The following GNAI1 variants were observed in gnomAD, a reference collection of about 807,000 sequenced individuals.
GNAI1 encodes the protein G protein subunit alpha i1.
Under a neutral mutation model 38.9 loss-of-function variants are expected in GNAI1, and 11 were observed. The observed-to-expected ratio is 0.28, with a 90% CI of 0.18 to 0.47. The LOEUF (loss-of-function observed/expected upper bound fraction) is 0.47, where lower values mean the gene tolerates loss of function less well. Among genes scored for constraint, GNAI1 ranks in the 20% least tolerant of loss-of-function variants. The probability of loss-of-function intolerance (pLI) is 0.99; values close to 1 mark genes in which losing one functional copy is unlikely to be tolerated. For missense variants in GNAI1, 317 were observed against 436.9 expected, an observed-to-expected ratio of 0.73 and a Z score of 2.45; for synonymous variants, 166 against 145.1, an observed-to-expected ratio of 1.14 and a Z score of -1.04.
rs754317164 is a variant in GNAI1 at position 80,199,335 on chromosome 7, C to G, written c.414C>G (p.Ala138=). 2 of 1,612,356 alleles carry G rather than the reference C, an allele frequency of 1.2e-6. No individual in the cohort carries two copies. Among genetic ancestry groups the G allele is most frequent in the Non-Finnish European group, 1.7e-6 (2 of 1,178,908 alleles). The part of the protein sequence containing the change: ...KRLWKDSGVQ[A]CFNRSREYQL... Reference sequence around the variant, plus strand: ...TGTGGAAAGATAGTGGTGTACAAGCCTGTTTCAACAGATCCCGAGAGTACC... The same window carrying G: ...TGTGGAAAGATAGTGGTGTACAAGCGTGTTTCAACAGATCCCGAGAGTACC... Residue 138 remains alanine (A), a synonymous_variant, in exon 4 of 8, where the codon GCC becomes GCG. Transcript: ENST00000649796.
At chr7:80,188,118 A>C (rs1399945273) in intron 1 of GNAI1, among the ~76,000 whole-genome samples, 11 of 152,238 alleles carry the variant, frequency 7.2e-5, no homozygotes, top group Non-Finnish European at 1.6e-4. Flanking sequence ...CTGAACCCTC[A>C]GTGCTAGCAA....
At chr7:80,156,914 A>G (rs1160553209) in intron 1 of GNAI1, among the ~76,000 whole-genome samples, 1 of 152,216 alleles carries the variant, frequency 6.6e-6, no homozygotes, top group African/African-American at 2.4e-5. Flanking sequence ...AAAATCTCCC[A>G]GCAGAATAGT....
chr7:80,159,749 G>T (rs1330101406), intron 1 of GNAI1, among the ~76,000 whole-genome samples: 1 of 152,122 alleles, frequency 6.6e-6, no homozygotes, highest in Admixed American at 6.6e-5. Flanking sequence ...TGTATTAAGA[G>T]TCTAGTGTTC....
chr7:80,199,421 A>G, intron 4 of GNAI1, 39 bp downstream of exon 4: 1 of 1,437,060 alleles, frequency 7.0e-7, no homozygotes, highest in Non-Finnish European at 9.5e-7. Flanking sequence ...TATCATGAAT[A>G]ATTACTTGCA....
intron 1 of GNAI1, among the ~76,000 whole-genome samples, chr7:80,139,090 C>T (rs1413933638): frequency 6.6e-6 from 1 of 152,266 alleles, no homozygotes; most frequent in African/African-American, 2.4e-5. Context: ...CTTGAATAAA[C>T]GGATCCGGTA....
chr7:80,217,370 G>T lies in GNAI1; in HGVS notation c.942G>T (p.Lys314Asn). 1.2e-6 allele frequency: 2 copies of T among 1,605,954 alleles called. No individual in the cohort carries two copies. Among genetic ancestry groups the T allele is most frequent in the Non-Finnish European group, 1.7e-6 (2 of 1,174,924 alleles). Reference sequence around the variant, plus strand: ...AGTTTGAAGACCTCAATAAAAGAAAGGACACAAAGGAAATATACACCCACT... The same window carrying T: ...AGTTTGAAGACCTCAATAAAAGAAATGACACAAAGGAAATATACACCCACT... ...QCQFEDLNKRKDTKEIYTHFT... is the reference protein window; with the variant it reads ...QCQFEDLNKRNDTKEIYTHFT... Residue 314 changes from lysine (K) to asparagine (N), a missense_variant, in exon 8 of 8, where the codon AAG becomes AAT. Lys to Asn is a moderately conservative substitution (Grantham distance 94). Coordinates refer to ENST00000649796, the MANE Select transcript of GNAI1 (RefSeq NM_002069.6).
intron 3 of GNAI1, among the ~76,000 whole-genome samples, chr7:80,193,145 T>C (rs1395175209): frequency 6.6e-6 from 1 of 152,164 alleles, no homozygotes; most frequent in East Asian, 1.9e-4. Flanking sequence ...TCCGTTGTTC[T>C]TTTGCCGAAT....
chr7:80,146,664 CG>C (rs904798110), intron 1 of GNAI1, among the ~76,000 whole-genome samples: 1 of 152,032 alleles, frequency 6.6e-6, no homozygotes, highest in Non-Finnish European at 1.5e-5. Flanking sequence ...CATAGGCTCC[CG>C]GGGTGCTTGT....
intron 1 of GNAI1, among the ~76,000 whole-genome samples, chr7:80,187,928 T>C (rs1009698697): frequency 6.6e-6 from 1 of 152,188 alleles, no homozygotes; most frequent in Non-Finnish European, 1.5e-5. Flanking sequence ...TTTTGTAAAC[T>C]GTCATTTCCT....
rs1246545092 is a variant in GNAI1 at position 80,222,212 on chromosome 7, G to A, written c.*4719G>A. ...ATCAGCTGCAATTGTCCAAGCCAGA[G>A]CTGATTAGGCCTCAACTGGAATAGT... On this transcript the variant is annotated 3_prime_UTR_variant, in exon 8 of 8. Transcript: ENST00000649796. Among the ~76,000 whole-genome samples the A allele has an allele frequency of 6.6e-6, 1 of 151,968 alleles. No homozygotes were observed. The highest frequency in any genetic ancestry group is 1.5e-5 in the Non-Finnish European group (1 of 67,986).
intron 4 of GNAI1, among the ~76,000 whole-genome samples, chr7:80,201,715 C>T (rs1420045867): frequency 1.3e-5 from 2 of 151,862 alleles, no homozygotes; most frequent in Non-Finnish European, 2.9e-5. Context: ...CAGAGCAAGA[C>T]CATGTCTCAA....
chr7:80,179,530 A>AT (rs1421356430), intron 1 of GNAI1, among the ~76,000 whole-genome samples: 1 of 152,212 alleles, frequency 6.6e-6, no homozygotes, highest in African/African-American at 2.4e-5. Flanking sequence ...AGGTATAAAG[A>AT]TGCTGGAAGT....
intron 1 of GNAI1, among the ~76,000 whole-genome samples, chr7:80,168,374 T>G (rs1406090509): frequency 6.6e-6 from 1 of 152,118 alleles, no homozygotes; most frequent in Non-Finnish European, 1.5e-5. Context: ...TTCACCATTT[T>G]AATTATTTTA....
At chr7:80,139,481 C>T (rs1787484856) in intron 1 of GNAI1, among the ~76,000 whole-genome samples, 1 of 152,202 alleles carries the variant, frequency 6.6e-6, no homozygotes, top group Admixed American at 6.5e-5. Context: ...CACTTGATTT[C>T]TGGTATTGTT....
At chr7:80,179,993 G>T (rs1258805091) in intron 1 of GNAI1, among the ~76,000 whole-genome samples, 1 of 152,154 alleles carries the variant, frequency 6.6e-6, no homozygotes, top group African/African-American at 2.4e-5. Flanking sequence ...AAATATCCTT[G>T]AAAAGATAGG....
chr7:80,135,341 C>G, intron 1 of GNAI1, 63 bp downstream of exon 1: 2 of 1,023,498 alleles, frequency 2.0e-6, no homozygotes, highest in Non-Finnish European at 2.6e-6. Context: ...CTGCGCGGCC[C>G]TCGGCGTTTG....
At chr7:80,142,517 G>T (rs2116075174) in intron 1 of GNAI1, among the ~76,000 whole-genome samples, 1 of 151,902 alleles carries the variant, frequency 6.6e-6, no homozygotes, top group East Asian at 1.9e-4. Flanking sequence ...ATTTTTTATT[G>T]TCTGTTGCCT....
chr7:80,140,241 C>T lies in GNAI1; in HGVS notation c.118+4963C>T, dbSNP rs139258482. Among the ~76,000 whole-genome samples the T allele has an allele frequency of 1.1e-4, 16 of 152,112 alleles. No individual in the cohort carries two copies. The East Asian group carries it at 3.1e-3, about 30-fold the overall frequency. ...CCTCGTGATCCGCCTGCCGCGGCCT[C>T]CCAAAGTGCTGGGATTACAGGGGTG... On this transcript the variant is annotated intron_variant, in intron 1 of 7. Coordinates refer to ENST00000649796, the MANE Select transcript of GNAI1 (RefSeq NM_002069.6).
chr7:80,135,087 G>C lies in GNAI1; in HGVS notation c.-74G>C. The C allele has an allele frequency of 9.7e-7, 1 of 1,028,026 alleles. No individual in the cohort carries two copies. Among genetic ancestry groups the C allele is most frequent in the Non-Finnish European group, 1.3e-6 (1 of 745,838 alleles). 63.7% of individuals were successfully genotyped at this position (1,028,026 alleles called of 1,614,324 possible). On this transcript the variant is annotated 5_prime_UTR_variant, in exon 1 of 8. Coordinates refer to ENST00000649796, the MANE Select transcript of GNAI1 (RefSeq NM_002069.6). ...GCGTTCGAACGCCCGCTAGGAGAGAGAAAGGATTCCCCTGTGCTTGGAGCC... is the reference window on the plus strand; with the variant it reads ...GCGTTCGAACGCCCGCTAGGAGAGACAAAGGATTCCCCTGTGCTTGGAGCC...
Sources: gnomAD v4.1 joint callset for allele counts (sites outside exome capture counted in the v4.1 genomes callset) on GRCh38, gnomAD v4.1.1 for gene constraint, MANE v1.5 for transcripts, NCBI Gene and HGNC (gene_info 2026-07-23, HGNC 2026-07-21) for gene names.